The following CADM2 variants were observed in gnomAD, a reference collection of about 807,000 sequenced individuals.
The protein encoded by CADM2 is immunoglobulin superfamily member 4D.
Under a neutral mutation model 49.8 loss-of-function variants are expected in CADM2, and 12 were observed. The ratio of observed to expected loss-of-function variants is 0.24; its 90% CI spans 0.15 to 0.39. The LOEUF is 0.39. CADM2 is among the 10% of genes least tolerant of loss of function. The pLI is 1.00. For synonymous variants in CADM2, 214 were observed against 175.4 expected (o/e 1.22, Z -1.74); for missense variants, 378 against 492.3 (o/e 0.77, Z 2.20).
At chr3:85,722,576 T>C (rs2067546666) in intron 1 of CADM2, among the ~76,000 whole-genome samples, 1 of 152,184 alleles carries the variant, frequency 6.6e-6, no homozygotes, top group South Asian at 2.1e-4. Context: ...TTACAAAATG[T>C]TTCCTTGACG....
At chr3:85,083,792 A>C (rs1210438572) in intron 1 of CADM2, among the ~76,000 whole-genome samples, 1 of 152,128 alleles carries the variant, frequency 6.6e-6, no homozygotes, top group Admixed American at 6.6e-5. Context: ...GAGCAAGCAA[A>C]ATAGAGGCAT....
At chr3:85,034,664 C>T (rs1354133554) in intron 1 of CADM2, among the ~76,000 whole-genome samples, 4 of 151,998 alleles carry the variant, frequency 2.6e-5, no homozygotes, top group South Asian at 4.1e-4. Context: ...TTTGAGGAAC[C>T]TCCATACTGT....
chr3:85,992,590 T>G, intron 8 of CADM2: 1 of 152,120 alleles, frequency 6.6e-6, no homozygotes, highest in East Asian at 1.9e-4. Flanking sequence ...ATATCATGAG[T>G]CTCACACATT....
At chr3:85,614,167 C>T (rs996627592) in intron 1 of CADM2, among the ~76,000 whole-genome samples, 1 of 144,996 alleles carries the variant, frequency 6.9e-6, no homozygotes, top group Non-Finnish European at 1.5e-5. Context: ...TCACCACATA[C>T]TGTTTGATAA....
At chr3:85,396,383 A>G (rs919070592) in intron 1 of CADM2, among the ~76,000 whole-genome samples, 1 of 151,990 alleles carries the variant, frequency 6.6e-6, no homozygotes, top group African/African-American at 2.4e-5. Flanking sequence ...ATGATCATCA[A>G]CTTCATAACT....
intron 8 of CADM2, among the ~76,000 whole-genome samples, chr3:86,038,645 A>G (rs1285194836): frequency 6.6e-6 from 1 of 152,214 alleles, no homozygotes; most frequent in Non-Finnish European, 1.5e-5. Flanking sequence ...ACATTCTATT[A>G]CATTTTTCCC....
chr3:85,455,547 G>T (rs1268512434), intron 1 of CADM2, among the ~76,000 whole-genome samples: 1 of 152,164 alleles, frequency 6.6e-6, no homozygotes, highest in Non-Finnish European at 1.5e-5. Flanking sequence ...GATAGCATGG[G>T]AAAAATATGC....
intron 2 of CADM2, among the ~76,000 whole-genome samples, chr3:85,737,187 G>T (rs186266455): frequency 1.6e-3 from 246 of 152,192 alleles, no homozygotes; most frequent in African/African-American, 5.4e-3. Context: ...TGAAAGTGAA[G>T]GGAAAACCAT....
At chr3:86,045,633 T>C (rs1449375623) in intron 8 of CADM2, among the ~76,000 whole-genome samples, 1 of 152,188 alleles carries the variant, frequency 6.6e-6, no homozygotes, top group Non-Finnish European at 1.5e-5. Flanking sequence ...ATAAACATTT[T>C]CTTAGACTTT....
At chr3:85,515,301 T>G in intron 1 of CADM2, among the ~76,000 whole-genome samples, 1 of 152,124 alleles carries the variant, frequency 6.6e-6, no homozygotes, top group East Asian at 1.9e-4. Context: ...TTAACAAAGA[T>G]AACATCGCCA....
At chr3:86,056,045 A>G (rs1737948448) in intron 8 of CADM2, among the ~76,000 whole-genome samples, 1 of 152,216 alleles carries the variant, frequency 6.6e-6, no homozygotes, top group Non-Finnish European at 1.5e-5. Context: ...ATGGCAATCC[A>G]AAAACTTATT....
At chr3:85,248,141 A>G (rs1197352960) in intron 1 of CADM2, among the ~76,000 whole-genome samples, 1 of 152,142 alleles carries the variant, frequency 6.6e-6, no homozygotes, top group Non-Finnish European at 1.5e-5. Flanking sequence ...TATTTAAAAT[A>G]TTTGGTATTA....
intron 1 of CADM2, among the ~76,000 whole-genome samples, chr3:85,050,293 C>A (rs376793927): frequency 3.5e-4 from 53 of 152,114 alleles, no homozygotes; most frequent in African/African-American, 1.2e-3. Context: ...CTGAAGTACA[C>A]CTGTACCCCA....
chr3:85,001,075 G>A (rs1469094030), intron 1 of CADM2, among the ~76,000 whole-genome samples: 2 of 152,026 alleles, frequency 1.3e-5, no homozygotes, highest in Non-Finnish European at 2.9e-5. Context: ...TTGTTCAGTT[G>A]TTGGGGTTTC....
chr3:85,378,587 T>C (rs2033723951), intron 1 of CADM2, among the ~76,000 whole-genome samples: 1 of 152,060 alleles, frequency 6.6e-6, no homozygotes, highest in Non-Finnish European at 1.5e-5. Flanking sequence ...TGCTACAAAG[T>C]AGTAGGTATT....
intron 1 of CADM2, among the ~76,000 whole-genome samples, chr3:85,045,908 A>G (rs2035635944): frequency 6.6e-6 from 1 of 152,136 alleles, no homozygotes; most frequent in Non-Finnish European, 1.5e-5. Flanking sequence ...TCTATTCAGC[A>G]GCTTCCCTAA....
chr3:85,204,605 G>A (rs541019702), intron 1 of CADM2, among the ~76,000 whole-genome samples: 1 of 151,964 alleles, frequency 6.6e-6, no homozygotes, highest in East Asian at 1.9e-4. Flanking sequence ...TGCCCCCTCA[G>A]ACTAAAACAT....
At chr3:85,372,947 C>A (rs1019543828) in intron 1 of CADM2, among the ~76,000 whole-genome samples, 11 of 152,098 alleles carry the variant, frequency 7.2e-5, no homozygotes, top group Admixed American at 6.5e-4. Flanking sequence ...CTCCCGTGGA[C>A]ACATGGGGAT....
chr3:85,489,660 AG>A (rs1469027643), intron 1 of CADM2, among the ~76,000 whole-genome samples: 4 of 144,260 alleles, frequency 2.8e-5, no homozygotes, highest in Non-Finnish European at 6.3e-5. Flanking sequence ...TAATAATAAA[AG>A]AAAAAAAATC....
Sources: gnomAD v4.1 joint callset for allele counts (sites outside exome capture counted in the v4.1 genomes callset) on GRCh38, gnomAD v4.1.1 for gene constraint, MANE v1.5 for transcripts, NCBI Gene and HGNC (gene_info 2026-07-23, HGNC 2026-07-21) for gene names.